Variants in CCSER1 observed in about 807,000 individuals in gnomAD.
The protein encoded by CCSER1 is coiled-coil serine rich protein 1, also known as serine-rich coiled-coil domain-containing protein 1.
Under a neutral mutation model 82.0 loss-of-function variants are expected in CCSER1, and 41 were observed. The observed-to-expected ratio is 0.50, with a 90% CI of 0.39 to 0.65. The LOEUF (loss-of-function observed/expected upper bound fraction) is 0.65, where lower values mean the gene tolerates loss of function less well. CCSER1 is among the 30% of genes least tolerant of loss of function. The pLI is 0.00. For missense variants in CCSER1, 1,119 were observed against 1,064.2 expected (o/e 1.05, Z -0.72); for synonymous variants, 414 against 383.9 (o/e 1.08, Z -0.92).
At chr4:91,368,036 T>C (rs974297371) in intron 10 of CCSER1, among the ~76,000 whole-genome samples, 1 of 152,176 alleles carries the variant, frequency 6.6e-6, no homozygotes, top group African/African-American at 2.4e-5. Flanking sequence ...AATTTTCCTA[T>C]GTGGATATTT....
chr4:91,574,259 A>G (rs570713652), intron 10 of CCSER1, among the ~76,000 whole-genome samples: 2 of 149,476 alleles, frequency 1.3e-5, no homozygotes, highest in Admixed American at 6.7e-5. Flanking sequence ...GGTTCTGGAA[A>G]AAAAAAAATG....
chr4:90,872,037 T>A (rs1766582260), intron 8 of CCSER1, among the ~76,000 whole-genome samples: 1 of 151,828 alleles, frequency 6.6e-6, no homozygotes, highest in African/African-American at 2.4e-5. Context: ...CATCTCTTTA[T>A]TTTCAGTGTA....
chr4:91,196,178 C>CAA (rs61336014), intron 10 of CCSER1, among the ~76,000 whole-genome samples: 7,690 of 60,648 alleles, frequency 0.13, 372 homozygotes, highest in African/African-American at 0.16. Context: ...AACAGCGAGA[C>CAA]AAAAAAAAAA....
chr4:90,644,003 C>T (rs1727042509), intron 6 of CCSER1, among the ~76,000 whole-genome samples: 1 of 152,104 alleles, frequency 6.6e-6, no homozygotes, highest in African/African-American at 2.4e-5. Flanking sequence ...TTATAGTTTT[C>T]TCTAGAACTG....
chr4:90,952,360 C>T (rs1303938634), intron 9 of CCSER1, among the ~76,000 whole-genome samples: 1 of 151,988 alleles, frequency 6.6e-6, no homozygotes, highest in Non-Finnish European at 1.5e-5. Flanking sequence ...GGATGCTACA[C>T]TTCAGAGATG....
intron 10 of CCSER1, among the ~76,000 whole-genome samples, chr4:91,577,169 A>G (rs184905534): frequency 3.9e-5 from 6 of 151,954 alleles, no homozygotes; most frequent in Non-Finnish European, 1.5e-5. Flanking sequence ...TTTTTTTTAA[A>G]TGTGGTTTCC....
chr4:91,593,493 T>TTTTTTTTTTTTTTTTTTTTTG (rs1421860268), intron 10 of CCSER1, among the ~76,000 whole-genome samples: 1 of 146,416 alleles, frequency 6.8e-6, no homozygotes, highest in Non-Finnish European at 1.5e-5. Flanking sequence ...TTTTTTTTTT[T>TTTTTTTTTTTTTTTTTTTTTG]AGTACAGACA....
chr4:91,234,051 C>G (rs1037664164), intron 10 of CCSER1, among the ~76,000 whole-genome samples: 9 of 151,630 alleles, frequency 5.9e-5, no homozygotes, highest in African/African-American at 1.9e-4. Flanking sequence ...CAACAGTAGA[C>G]AAAAAGTATT....
At chr4:90,538,923 A>G (rs1166026943) in intron 5 of CCSER1, among the ~76,000 whole-genome samples, 1 of 151,988 alleles carries the variant, frequency 6.6e-6, no homozygotes, top group Admixed American at 6.6e-5. Flanking sequence ...TTGGCATCTG[A>G]TATTTTTGTA....
chr4:90,194,590 A>G (rs1289950593), intron 1 of CCSER1, among the ~76,000 whole-genome samples: 1 of 152,050 alleles, frequency 6.6e-6, no homozygotes, highest in Non-Finnish European at 1.5e-5. Context: ...TGTGTATACA[A>G]ATTTGGCCAT....
Position 91,541,501 on chromosome 4 carries a change from G to A in CCSER1, c.2218-57071G>A, listed in dbSNP as rs537324581. ...TGTTTGGTTTTCTGTCCTTGCAATAGTTTGCTCAGAATGATGGTTTCCAGC... is the reference window on the plus strand; with the variant it reads ...TGTTTGGTTTTCTGTCCTTGCAATAATTTGCTCAGAATGATGGTTTCCAGC... On this transcript the variant is annotated intron_variant, in intron 10 of 10. Coordinates refer to ENST00000509176, the MANE Select transcript of CCSER1 (RefSeq NM_001145065.2). 5.3e-5 allele frequency among the ~76,000 whole-genome samples: 8 copies of A among 152,206 alleles called. No individual in the cohort carries two copies. The East Asian group carries it at 1.6e-3, about 30-fold the overall frequency.
intron 10 of CCSER1, among the ~76,000 whole-genome samples, chr4:91,430,008 T>C (rs1006668688): frequency 6.6e-6 from 1 of 152,056 alleles, no homozygotes; most frequent in Non-Finnish European, 1.5e-5. Flanking sequence ...TGTAACACTT[T>C]AAAAAATTTT....
In CCSER1 at chr4:90,534,699, A is replaced by G. The variant is rs550614030; in HGVS notation, c.1724+66345A>G. Among the ~76,000 whole-genome samples, 4 of 152,328 alleles carry G rather than the reference A, an allele frequency of 2.6e-5. No individual in the cohort carries two copies. In the East Asian group the frequency reaches 7.7e-4, roughly 29 times the overall value. On this transcript the variant is annotated intron_variant, in intron 5 of 10. Transcript: ENST00000509176. Reference sequence around the variant, plus strand: ...TTAAACAATTTAGGATAGGAAATCAATTCAGGTTGCACTGCAAGGAAGAAA... The same window carrying G: ...TTAAACAATTTAGGATAGGAAATCAGTTCAGGTTGCACTGCAAGGAAGAAA...
intron 10 of CCSER1, among the ~76,000 whole-genome samples, chr4:91,475,990 T>C (rs1464024393): frequency 6.6e-6 from 1 of 151,798 alleles, no homozygotes; most frequent in African/African-American, 2.4e-5. Flanking sequence ...TTTTTTATGA[T>C]TGAATAATAT....
chr4:90,793,251 G>T (rs1755519630), intron 7 of CCSER1, among the ~76,000 whole-genome samples: 1 of 151,894 alleles, frequency 6.6e-6, no homozygotes. Flanking sequence ...TGTGTCATGG[G>T]CATTTATGGT....
At chr4:91,337,723 A>G (rs1319595711) in intron 10 of CCSER1, among the ~76,000 whole-genome samples, 1 of 152,088 alleles carries the variant, frequency 6.6e-6, no homozygotes, top group Non-Finnish European at 1.5e-5. Context: ...TGTAGCTATA[A>G]CACAGACCCT....
At chr4:90,933,669 T>G (rs919277468) in intron 9 of CCSER1, among the ~76,000 whole-genome samples, 3 of 136,594 alleles carry the variant, frequency 2.2e-5, no homozygotes, top group Middle Eastern at 4.1e-3. Context: ...GTGAGTGTAT[T>G]ATTTTCTATA....
At chr4:90,728,785 A>C (rs1263286998) in intron 7 of CCSER1, among the ~76,000 whole-genome samples, 7 of 152,224 alleles carry the variant, frequency 4.6e-5, no homozygotes. Flanking sequence ...GTGTAGTAAC[A>C]CACAGTTTGC....
chr4:91,102,931 A>T (rs1226440390), intron 10 of CCSER1, among the ~76,000 whole-genome samples: 2 of 152,038 alleles, frequency 1.3e-5, no homozygotes, highest in Non-Finnish European at 2.9e-5. Context: ...GAAAACAAAC[A>T]TTTTCATTAT....
Sources: gnomAD v4.1 joint callset for allele counts (sites outside exome capture counted in the v4.1 genomes callset) on GRCh38, gnomAD v4.1.1 for gene constraint, MANE v1.5 for transcripts, NCBI Gene and HGNC (gene_info 2026-07-23, HGNC 2026-07-21) for gene names.